SGO1: variants seen among roughly 807,000 people sequenced by gnomAD.
SGO1 encodes serologically defined breast cancer antigen NY-BR-85.
In SGO1, 39 loss-of-function variants were observed where a neutral mutation model predicts 50.5. That is an observed-to-expected ratio of 0.77 (90% confidence interval 0.60 to 1.01). The LOEUF (loss-of-function observed/expected upper bound fraction) is 1.01, where lower values mean the gene tolerates loss of function less well. Ranked by LOEUF, SGO1 falls within the 50% of genes least tolerant of loss-of-function variation. The probability of loss-of-function intolerance (pLI) is 0.00; values close to 1 mark genes in which losing one functional copy is unlikely to be tolerated. For missense variants in SGO1, 638 were observed against 606.0 expected (o/e 1.05, Z -0.55); for synonymous variants, 191 against 205.1 (o/e 0.93, Z 0.59).
intron 5 of SGO1, among the ~76,000 whole-genome samples, chr3:20,175,365 AG>A (rs2125312211): frequency 6.6e-6 from 1 of 152,290 alleles, no homozygotes; most frequent in South Asian, 2.1e-4. Context: ...TGCTAACTGG[AG>A]GGTTTTGGAT....
intron 3 of SGO1, among the ~76,000 whole-genome samples, chr3:20,183,018 A>C (rs1702205118): frequency 6.9e-6 from 1 of 144,778 alleles, no homozygotes; most frequent in Non-Finnish European, 1.5e-5. Flanking sequence ...ACGCCGTCTC[A>C]AAAAAAAAAA....
At chr3:20,180,070 G>T (rs1372124462) in intron 3 of SGO1, among the ~76,000 whole-genome samples, 1 of 152,106 alleles carries the variant, frequency 6.6e-6, no homozygotes, top group Non-Finnish European at 1.5e-5. Flanking sequence ...GCCGAGGCAG[G>T]GGTATCACTT....
Position 20,183,750 on chromosome 3 carries a change from A to T in SGO1, c.197T>A (p.Leu66Ter). The T allele has an allele frequency of 6.2e-7, 1 of 1,613,364 alleles. No homozygotes were observed. Among genetic ancestry groups the T allele is most frequent in the Non-Finnish European group, 8.5e-7 (1 of 1,179,796 alleles). The change falls in exon 3 of 8, where the codon TTA becomes TAA. Residue 66 changes from leucine (L) to a stop codon, truncating the protein, a stop_gained. Coordinates refer to ENST00000412997, the MANE Select transcript of SGO1 (RefSeq NM_001199251.3). LOFTEE classifies it high-confidence loss of function. ...TTTGGATTTTTCATTTTCCAAAGCT[A>T]AAACTAACATTTTGTTGTTGTCTTG... ...NYQDNNKMLV[L>*]ALENEKSKVK...
chr3:20,184,180 A>C (rs1034929436), intron 1 of SGO1, 146 bp from the exon 2 acceptor site: 28 of 542,146 alleles, frequency 5.2e-5, no homozygotes, highest in Non-Finnish European at 5.9e-6. Flanking sequence ...GATAATATAA[A>C]TTTTCCCCTT....
In SGO1 at chr3:20,174,823, G is replaced by A. The variant is rs1164069924; in HGVS notation, c.708C>T (p.His236=). Residue 236 remains histidine, a synonymous_variant, in exon 6 of 8, where the codon CAC becomes CAT. Transcript: ENST00000412997. ...VGFLDPLVNM[H]IPENVQHNAC... ...CATTGTGTTGTACATTTTCAGGTAT[G>A]TGCATGTTTACTAGTGGGTCTAAAA... The A allele has an allele frequency of 4.3e-6, 7 of 1,614,070 alleles. No homozygotes were observed. The South Asian group carries it at 7.7e-5, about 18-fold the overall frequency.
chr3:20,172,592 T>C (rs892071718), intron 6 of SGO1, among the ~76,000 whole-genome samples: 1 of 151,866 alleles, frequency 6.6e-6, no homozygotes, highest in African/African-American at 2.4e-5. Flanking sequence ...CGTCTAGGGA[T>C]TAAACTCTGA....
At chr3:20,160,880 TAAAAG>T (rs1700003714) in exon 9 of SGO1, 1 of 388,676 alleles carries the variant, frequency 2.6e-6, no homozygotes, top group Admixed American at 4.3e-5. Flanking sequence ...AAAGGAAACT[TAAAAG>T]AGGGGTTCAA....
chr3:20,169,419 G>A (rs535599907), downstream of SGO1: 3 of 984,886 alleles, frequency 3.0e-6, no homozygotes, highest in Admixed American at 6.1e-5. Context: ...GTCCAAGGAT[G>A]AGAATAGTGA....
chr3:20,161,986 C>A (rs1001768353), intron 8 of SGO1, among the ~76,000 whole-genome samples: 6 of 152,174 alleles, frequency 3.9e-5, no homozygotes, highest in African/African-American at 1.4e-4. Flanking sequence ...TCCTATATTT[C>A]TTCCCAACGT....
intron 5 of SGO1, 90 bp from the exon 6 acceptor site, chr3:20,175,145 A>G (rs1701241100): frequency 7.7e-7 from 1 of 1,297,198 alleles, no homozygotes; most frequent in Non-Finnish European, 1.0e-6. Flanking sequence ...AAAAAAGTGA[A>G]TGACCAAAAG....
downstream of SGO1, chr3:20,169,394 G>T: frequency 1.0e-6 from 1 of 984,960 alleles, no homozygotes; most frequent in Non-Finnish European, 1.2e-6. Context: ...ATACCAAGGG[G>T]AGGGGAGAGG....
intron 3 of SGO1, among the ~76,000 whole-genome samples, chr3:20,181,911 T>C (rs1285052494): frequency 1.3e-5 from 2 of 151,840 alleles, no homozygotes; most frequent in Non-Finnish European, 2.9e-5. Context: ...GGCGAAACCC[T>C]GTCTCTACTA....
rs115735762 is a variant in SGO1, at chr3:20,162,234, G to A, written c.1565-1008C>T. Among the ~76,000 whole-genome samples, 400 of 152,306 alleles carry A rather than the reference G, an allele frequency of 2.6e-3. 1 individual carries two copies. Among genetic ancestry groups the A allele is most frequent in the African/African-American group, 8.8e-3 (367 of 41,568 alleles). ...GTAACTATGGAAAGAACTACAGAGT[G>A]AAGAACAATTACAGGGAGTTGTGAG... On this transcript the variant is annotated intron_variant, in intron 8 of 8. Coordinates refer to the SGO1 transcript ENST00000263753.
chr3:20,163,786 C>A (rs529160151), intron 8 of SGO1, among the ~76,000 whole-genome samples: 2 of 152,242 alleles, frequency 1.3e-5, no homozygotes, highest in South Asian at 4.1e-4. Context: ...ACAGCTCTTA[C>A]ATGTAAGACA....
Position 20,175,038 on chromosome 3 carries a change from G to T in SGO1, c.493C>A (p.Pro165Thr), listed in dbSNP as rs774793963. 1 of 1,543,664 alleles carries T rather than the reference G, an allele frequency of 6.5e-7. No individual in the cohort carries two copies. The highest frequency in any genetic ancestry group is 2.3e-5 in the East Asian group (1 of 43,694). Reference sequence around the variant, plus strand: ...AAATCAACTCCCAGTGTGTCTTGAGGAATAGTAGGTATCTGATCTGAGAAT... The same window carrying T: ...AAATCAACTCCCAGTGTGTCTTGAGTAATAGTAGGTATCTGATCTGAGAAT... Reference protein sequence around the residue: ...FQIEDQIPTIPQDTLGVDFDS... With the variant: ...FQIEDQIPTITQDTLGVDFDS... Residue 165 changes from proline to threonine, a missense_variant, in exon 6 of 8, where the codon CCT becomes ACT. By Grantham distance (38) the Pro-to-Thr change is conservative (BLOSUM62 -1). Transcript: ENST00000412997.
At position 20,170,347 on chromosome 3, in the gene SGO1, G is replaced by A. The variant is rs1442179470; in HGVS notation, c.*357C>T. 5 of 795,340 alleles carry A rather than the reference G, an allele frequency of 6.3e-6. No homozygotes were observed. Among genetic ancestry groups the A allele is most frequent in the African/African-American group, 1.9e-5 (1 of 52,996 alleles). The allele number at this position is 795,340 out of a possible 1,614,324, so 49.3% of individuals were successfully genotyped here. The stretch of plus-strand genomic sequence containing the variant: ...TGGGAGGCGGAGGTTGCGGTAAGCT[G>A]AGATCGTGCCATTGCACTCCAGCCT... On this transcript the variant is annotated 3_prime_UTR_variant, in exon 8 of 8. Coordinates refer to ENST00000412997, the MANE Select transcript of SGO1 (RefSeq NM_001199251.3).
downstream of SGO1, among the ~76,000 whole-genome samples, chr3:20,166,497 G>T (rs1700309154): frequency 6.6e-6 from 1 of 152,128 alleles, no homozygotes; most frequent in South Asian, 2.1e-4. Context: ...AATATCCTAT[G>T]ATTCCATTTC....
chr3:20,168,630 T>C (rs1485596405), downstream of SGO1, among the ~76,000 whole-genome samples: 3 of 151,638 alleles, frequency 2.0e-5, no homozygotes, highest in East Asian at 5.9e-4. Flanking sequence ...GGTGGTTACA[T>C]GGACTGAGAA....
intron 6 of SGO1, among the ~76,000 whole-genome samples, chr3:20,172,326 A>T (rs1331906068): frequency 6.6e-6 from 1 of 152,094 alleles, no homozygotes; most frequent in Admixed American, 6.5e-5. Flanking sequence ...ACATGGAGAA[A>T]GCCTGTCTCT....
Sources: gnomAD v4.1 joint callset for allele counts (sites outside exome capture counted in the v4.1 genomes callset) on GRCh38, gnomAD v4.1.1 for gene constraint, MANE v1.5 for transcripts, NCBI Gene and HGNC (gene_info 2026-07-23, HGNC 2026-07-21) for gene names.